CCDC141: variants seen among roughly 807,000 people sequenced by gnomAD.
The protein encoded by CCDC141 is coiled-coil domain-containing protein 141.
In CCDC141, 168 loss-of-function variants were observed where a neutral mutation model predicts 181.0. That is an observed-to-expected ratio of 0.93 (90% CI 0.82 to 1.05). CCDC141 has a LOEUF of 1.05. Among genes scored for constraint, CCDC141 ranks in the 50% least tolerant of loss-of-function variants. The pLI is 0.00. For synonymous variants in CCDC141, 666 were observed against 642.3 expected (o/e 1.04, Z -0.56); for missense variants, 1,902 against 1,788.5 (o/e 1.06, Z -1.14).
intron 22 of CCDC141, among the ~76,000 whole-genome samples, chr2:178,841,631 ATTATT>A (rs1206378800): frequency 6.6e-6 from 1 of 152,196 alleles, no homozygotes; most frequent in African/African-American, 2.4e-5. Flanking sequence ...TTATGGAAAC[ATTATT>A]TTATTTTATT....
chr2:178,919,723 G>A (rs2154374721), intron 6 of CCDC141, among the ~76,000 whole-genome samples: 1 of 152,350 alleles, frequency 6.6e-6, no homozygotes, highest in South Asian at 2.1e-4. Flanking sequence ...TGTTGTTTTT[G>A]TGTCTGCCTA....
At chr2:178,996,516 T>C (rs1692295077) in intron 2 of CCDC141, among the ~76,000 whole-genome samples, 1 of 152,142 alleles carries the variant, frequency 6.6e-6, no homozygotes, top group Non-Finnish European at 1.5e-5. Flanking sequence ...TTAAAATAAA[T>C]CCAAAAATGG....
At chr2:178,904,299 G>A (rs573599736) in intron 8 of CCDC141, among the ~76,000 whole-genome samples, 8 of 152,242 alleles carry the variant, frequency 5.3e-5, no homozygotes, top group African/African-American at 1.9e-4. Context: ...TCTAATCTTA[G>A]TTGTGCATGT....
intron 2 of CCDC141, among the ~76,000 whole-genome samples, chr2:178,992,016 T>C (rs941354004): frequency 6.6e-5 from 10 of 152,112 alleles, no homozygotes; most frequent in African/African-American, 2.4e-4. Context: ...ACTGCCACCA[T>C]CATGGAAAAT....
chr2:178,853,787 T>G (rs1685268128), intron 19 of CCDC141, among the ~76,000 whole-genome samples, 163 bp from the exon 20 acceptor site: 1 of 152,222 alleles, frequency 6.6e-6, no homozygotes, highest in African/African-American at 2.4e-5. Flanking sequence ...ATGATCGTAT[T>G]CTACAGCACT....
intron 2 of CCDC141, among the ~76,000 whole-genome samples, chr2:179,005,596 T>C (rs1339178842): frequency 9.9e-5 from 15 of 152,160 alleles, no homozygotes; most frequent in Admixed American, 9.2e-4. Flanking sequence ...CACCATCCTA[T>C]CACTGCTTCA....
intron 2 of CCDC141, among the ~76,000 whole-genome samples, chr2:179,010,853 G>A (rs751080503): frequency 6.6e-6 from 1 of 152,074 alleles, no homozygotes; most frequent in Non-Finnish European, 1.5e-5. Flanking sequence ...ATGCCTAAAT[G>A]CTCCACTTAA....
In CCDC141 at chr2:178,855,554, C is replaced by CA. The variant is rs1561639302; in HGVS notation, c.2866-14dup. 4 of 1,540,604 alleles carry CA rather than the reference C, an allele frequency of 2.6e-6. No individual in the cohort carries two copies. The African/African-American group carries it at 4.2e-5, about 16-fold the overall frequency. ...TCCTTTTCAAAGCCTGTGTGAAAAA[C>CA]AAAAAGTTTTTTAAACAACATTCAA... is the stretch of plus-strand genomic sequence containing the variant. On this transcript the variant is annotated splice_polypyrimidine_tract_variant and intron_variant, in intron 18 of 23. Transcript: ENST00000443758.
intron 2 of CCDC141, among the ~76,000 whole-genome samples, chr2:178,993,825 G>A (rs146415077): frequency 0.016 from 2,425 of 152,212 alleles, 29 homozygotes; most frequent in Middle Eastern, 0.065. Context: ...TTCCAAATAG[G>A]ATAAATTGGC....
chr2:179,045,261 T>C (rs2043456120), intron 2 of CCDC141, among the ~76,000 whole-genome samples: 1 of 141,166 alleles, frequency 7.1e-6, no homozygotes, highest in African/African-American at 2.6e-5. Flanking sequence ...GAATATGTGG[T>C]GTTTGGTTTT....
At chr2:178,925,136 A>C (rs1688864200) in intron 6 of CCDC141, among the ~76,000 whole-genome samples, 1 of 152,218 alleles carries the variant, frequency 6.6e-6, no homozygotes, top group Non-Finnish European at 1.5e-5. Flanking sequence ...CCTTACCAGA[A>C]TTGGAATTGC....
intron 7 of CCDC141, among the ~76,000 whole-genome samples, chr2:178,906,359 T>C (rs1192988488): frequency 6.6e-6 from 1 of 152,180 alleles, no homozygotes; most frequent in Non-Finnish European, 1.5e-5. Flanking sequence ...AATGAAAGAA[T>C]ACTGTGGGTA....
chr2:178,839,593 AAAAAAAAAAAAAAAT>A (rs981715981), intron 22 of CCDC141, among the ~76,000 whole-genome samples: 6 of 150,482 alleles, frequency 4.0e-5, no homozygotes, highest in African/African-American at 1.5e-4. Context: ...AAAAAAAAAA[AAAAAAAAAAAAAAAT>A]GTGTTTTCAG....
intron 2 of CCDC141, among the ~76,000 whole-genome samples, chr2:179,008,403 G>A (rs1270693456): frequency 1.3e-5 from 2 of 152,132 alleles, no homozygotes; most frequent in Non-Finnish European, 2.9e-5. Context: ...GCAGCATTTG[G>A]TAGGTGTCAC....
At chr2:179,019,261 A>G (rs2042629312) in intron 2 of CCDC141, among the ~76,000 whole-genome samples, 1 of 152,188 alleles carries the variant, frequency 6.6e-6, no homozygotes, top group South Asian at 2.1e-4. Flanking sequence ...TGAAGACTCC[A>G]GGAATCAACA....
At chr2:179,034,671 C>A (rs947930295) in intron 2 of CCDC141, among the ~76,000 whole-genome samples, 1 of 152,116 alleles carries the variant, frequency 6.6e-6, no homozygotes, top group African/African-American at 2.4e-5. Flanking sequence ...TTGTGTCAGT[C>A]CAAAGTCTCA....
chr2:178,888,552 G>A lies in CCDC141; in HGVS notation c.1382C>T (p.Ala461Val). The change falls in exon 9 of 24, where the codon GCC (alanine) becomes GTC (valine). Residue 461 changes from alanine (A) to valine (V), a missense_variant. By Grantham distance (64) the Ala-to-Val change is moderately conservative (BLOSUM62 0). Transcript: ENST00000443758. ...CTTCCGTAGGTAACCCTCCACTGAG[G>A]CTGTTAGTTGTTGTTTCTTAAGAGC... ...EYALKKQQLT[A>V]SVEGYLRKVE... The A allele has an allele frequency of 6.5e-7, 1 of 1,550,306 alleles. No homozygotes were observed. Among genetic ancestry groups the A allele is most frequent in the Middle Eastern group, 1.7e-4 (1 of 5,984 alleles).
At chr2:179,034,785 C>A (rs564404242) in intron 2 of CCDC141, among the ~76,000 whole-genome samples, 2 of 152,260 alleles carry the variant, frequency 1.3e-5, no homozygotes, top group South Asian at 2.1e-4. Flanking sequence ...ATGATTGTTT[C>A]ATTTCTCAGG....
chr2:178,820,096 T>C, the CCDC141 span, among the ~76,000 whole-genome samples: 1 of 152,222 alleles, frequency 6.6e-6, no homozygotes, highest in African/African-American at 2.4e-5. Flanking sequence ...TTTCCTGCAG[T>C]TTATGTTCCA....
Sources: gnomAD v4.1 joint callset for allele counts (sites outside exome capture counted in the v4.1 genomes callset) on GRCh38, gnomAD v4.1.1 for gene constraint, MANE v1.5 for transcripts, NCBI Gene and HGNC (gene_info 2026-07-23, HGNC 2026-07-21) for gene names.